PACRG: variants seen among roughly 807,000 people sequenced by gnomAD.
PACRG encodes parkin coregulated.
PACRG carries 29 observed loss-of-function variants against 29.7 expected under a neutral mutation model. That is an observed-to-expected ratio of 0.98 (90% confidence interval 0.73 to 1.33). The LOEUF (loss-of-function observed/expected upper bound fraction) is 1.33, where lower values mean the gene tolerates loss of function less well. Ranked by LOEUF, PACRG falls within the 40% of genes most tolerant of loss-of-function variation. PACRG has a pLI of 0.00. For synonymous variants in PACRG, 116 were observed against 118.7 expected (o/e 0.98, Z 0.15); for missense variants, 279 against 316.2 (o/e 0.88, Z 0.89).
At chr6:163,004,656 G>A (rs1431588275) in intron 2 of PACRG, among the ~76,000 whole-genome samples, 1 of 149,416 alleles carries the variant, frequency 6.7e-6, no homozygotes, top group African/African-American at 2.5e-5. Context: ...ATGAGATTTG[G>A]GTGGGGACAT....
At chr6:163,061,638 C>A (rs1811105064) in intron 2 of PACRG, among the ~76,000 whole-genome samples, 1 of 152,118 alleles carries the variant, frequency 6.6e-6, no homozygotes, top group Non-Finnish European at 1.5e-5. Context: ...AGTGAACAAG[C>A]CAGGAATCAT....
chr6:162,929,570 T>C (rs1434315997), intron 2 of PACRG, among the ~76,000 whole-genome samples: 1 of 152,056 alleles, frequency 6.6e-6, no homozygotes, highest in East Asian at 1.9e-4. Flanking sequence ...GTGCAAAAGC[T>C]TTCTAGCTTG....
intron 4 of PACRG, among the ~76,000 whole-genome samples, chr6:163,117,872 A>G (rs1353762519): frequency 1.3e-5 from 2 of 152,164 alleles, no homozygotes; most frequent in Non-Finnish European, 2.9e-5. Context: ...GGATGTGACA[A>G]TGTGTTGATG....
chr6:163,302,724 T>TA (rs1785050124), intron 4 of PACRG, among the ~76,000 whole-genome samples: 1 of 152,256 alleles, frequency 6.6e-6, no homozygotes, highest in Non-Finnish European at 1.5e-5. Flanking sequence ...AGCTAAGATA[T>TA]ATCCCAAATA....
intron 1 of PACRG, among the ~76,000 whole-genome samples, chr6:162,760,359 C>A (rs1390660058): frequency 6.6e-6 from 1 of 152,098 alleles, no homozygotes; most frequent in Non-Finnish European, 1.5e-5. Flanking sequence ...CTGTGGTGAT[C>A]AGCAGAAGGG....
chr6:163,310,644 T>C lies in PACRG; in HGVS notation c.614-4183T>C, dbSNP rs183407529. On this transcript the variant is annotated intron_variant, in intron 4 of 4. Transcript: ENST00000366888. Reference sequence around the variant, plus strand: ...TCCTTCCTTTCTGTCTTTGCTTCCTTCACCTTCGATTTTTTCCTTTCTCCT... The same window carrying C: ...TCCTTCCTTTCTGTCTTTGCTTCCTCCACCTTCGATTTTTTCCTTTCTCCT... 3.5e-4 allele frequency: 54 copies of C among 152,350 alleles called. No homozygotes were observed. In the East Asian group the frequency reaches 0.01, roughly 28 times the overall value. 9.4% of individuals were successfully genotyped at this position (152,350 alleles called of 1,614,324 possible).
At chr6:163,236,442 A>G (rs1221615136) in intron 4 of PACRG, among the ~76,000 whole-genome samples, 1 of 152,240 alleles carries the variant, frequency 6.6e-6, no homozygotes, top group Non-Finnish European at 1.5e-5. Context: ...ATTCCTAAGC[A>G]TAGCTGTCCT....
intron 4 of PACRG, among the ~76,000 whole-genome samples, chr6:163,238,855 CTCTT>C (rs1483693908): frequency 6.6e-6 from 1 of 152,218 alleles, no homozygotes; most frequent in Non-Finnish European, 1.5e-5. Context: ...CTATCAGTCA[CTCTT>C]TCTTCTTTGT....
intron 4 of PACRG, among the ~76,000 whole-genome samples, chr6:163,177,446 G>T (rs1242432126): frequency 6.6e-6 from 1 of 152,106 alleles, no homozygotes; most frequent in Non-Finnish European, 1.5e-5. Flanking sequence ...GAAACCTAGG[G>T]AACAGAGTTT....
chr6:163,071,313 C>T (rs949217986), intron 3 of PACRG, among the ~76,000 whole-genome samples: 2 of 152,016 alleles, frequency 1.3e-5, no homozygotes, highest in Non-Finnish European at 1.5e-5. Flanking sequence ...ACTCTTAAAA[C>T]ATTCAAAAAA....
At chr6:163,044,496 A>T (rs898340439) in intron 2 of PACRG, among the ~76,000 whole-genome samples, 18 of 152,232 alleles carry the variant, frequency 1.2e-4, no homozygotes, top group African/African-American at 3.9e-4. Context: ...AAAACCTGAT[A>T]GAGTATATGC....
intron 2 of PACRG, among the ~76,000 whole-genome samples, chr6:162,958,983 T>G (rs1273632678): frequency 1.4e-5 from 2 of 141,588 alleles, no homozygotes; most frequent in African/African-American, 5.4e-5. Flanking sequence ...AGTGGTGTGA[T>G]CATGGCTCCC....
intron 4 of PACRG, among the ~76,000 whole-genome samples, chr6:163,167,366 G>C (rs1365783451): frequency 6.6e-6 from 1 of 152,170 alleles, no homozygotes; most frequent in Non-Finnish European, 1.5e-5. Flanking sequence ...AAGCATCAGA[G>C]GGTCGCAGCT....
At chr6:162,856,156 A>G (rs1169337790) in intron 2 of PACRG, among the ~76,000 whole-genome samples, 1 of 152,094 alleles carries the variant, frequency 6.6e-6, no homozygotes, top group Non-Finnish European at 1.5e-5. Flanking sequence ...TTCTAGGATC[A>G]AAAGAGATCC....
At chr6:163,305,675 G>A (rs1419439200) in intron 4 of PACRG, among the ~76,000 whole-genome samples, 3 of 152,094 alleles carry the variant, frequency 2.0e-5, no homozygotes, top group Admixed American at 6.5e-5. Flanking sequence ...GAAATCAGTC[G>A]GCCTTGATTT....
At chr6:163,172,636 C>T (rs139965452) in intron 4 of PACRG, among the ~76,000 whole-genome samples, 6 of 152,318 alleles carry the variant, frequency 3.9e-5, no homozygotes, top group Non-Finnish European at 7.3e-5. Context: ...TCCTGAAACA[C>T]ATGCGAGAAC....
At chr6:162,787,576 G>GTATCTATA (rs1421392024) in intron 1 of PACRG, among the ~76,000 whole-genome samples, 5 of 59,538 alleles carry the variant, frequency 8.4e-5, no homozygotes, top group African/African-American at 3.3e-4. Context: ...GTGTGTGTGT[G>GTATCTATA]TGTGTGTATA....
chr6:162,816,943 C>T (rs993496766), intron 2 of PACRG, among the ~76,000 whole-genome samples: 3 of 152,228 alleles, frequency 2.0e-5, no homozygotes, highest in African/African-American at 7.2e-5. Flanking sequence ...GCTCATCCCT[C>T]ACTGAGGACT....
At chr6:163,129,786 C>T (rs1316514747) in intron 4 of PACRG, among the ~76,000 whole-genome samples, 5 of 152,192 alleles carry the variant, frequency 3.3e-5, no homozygotes, top group Non-Finnish European at 7.3e-5. Flanking sequence ...AGTTTCCTCC[C>T]TCAGTTTCCT....
Sources: allele counts gnomAD v4.1 joint callset (sites outside exome capture counted in the v4.1 genomes callset), GRCh38; gene constraint gnomAD v4.1.1; transcripts MANE v1.5; gene names NCBI Gene and HGNC (gene_info 2026-07-23, HGNC 2026-07-21).